Variants in ELP4 observed in about 807,000 individuals in gnomAD.
ELP4 encodes the protein elongator complex protein 4.
ELP4 carries 51 observed loss-of-function variants against 48.9 expected under a neutral mutation model. That is an observed-to-expected ratio of 1.04 (90% CI 0.83 to 1.32). The LOEUF (loss-of-function observed/expected upper bound fraction) is 1.32. ELP4 is among the 40% of genes most tolerant of loss of function. The pLI, the probability that ELP4 is intolerant of heterozygous loss-of-function variation, is 0.00. For synonymous variants in ELP4, 210 were observed against 189.2 expected (o/e 1.11, Z -0.90); for missense variants, 519 against 514.6 (o/e 1.01, Z -0.08).
chr11:31,668,675 C>CATGTGTGTGTGTGTGTGT (rs757792983), intron 9 of ELP4, among the ~76,000 whole-genome samples: 6,714 of 120,780 alleles, frequency 0.056, 799 homozygotes, highest in East Asian at 0.11. Flanking sequence ...CCTTTGGTAC[C>CATGTGTGTGTGTGTGTGT]GTGTGTGTGT....
chr11:31,509,874 G>A lies in ELP4; in HGVS notation c.90G>A (p.Gln30=), dbSNP rs759851571. The change falls in exon 1 of 10, where the codon CAG becomes CAA. Residue 30 remains glutamine (Q), a synonymous_variant. Coordinates refer to ENST00000640961, the MANE Select transcript of ELP4 (RefSeq NM_019040.5). ...TASKSNVTSF[Q]RRGPRASVTN... ...GCAAGAGCAACGTCACCAGTTTCCA[G>A]AGGAGGGGTCCTAGAGCCAGCGTGA... 5.6e-6 allele frequency: 9 copies of A among 1,614,190 alleles called. No homozygotes were observed. The highest frequency in any genetic ancestry group is 6.8e-6 in the Non-Finnish European group (8 of 1,180,040).
chr11:31,749,318 G>C (rs889643019), intron 9 of ELP4, among the ~76,000 whole-genome samples: 17 of 152,212 alleles, frequency 1.1e-4, no homozygotes, highest in Admixed American at 2.0e-4. Flanking sequence ...TAAAAGTGGG[G>C]AAGGAAAGAG....
chr11:31,534,509 A>G (rs1446801894), intron 2 of ELP4, among the ~76,000 whole-genome samples: 1 of 152,152 alleles, frequency 6.6e-6, no homozygotes, highest in Non-Finnish European at 1.5e-5. Flanking sequence ...TATGTAATGT[A>G]TGTATGGTTC....
chr11:31,690,493 C>G (rs953568117), intron 9 of ELP4, among the ~76,000 whole-genome samples: 10 of 151,932 alleles, frequency 6.6e-5, no homozygotes, highest in African/African-American at 2.4e-4. Context: ...TGAGTTTCTT[C>G]TATAGCTTTG....
intron 3 of ELP4, among the ~76,000 whole-genome samples, chr11:31,580,515 T>C (rs1201557062): frequency 6.6e-6 from 1 of 152,164 alleles, no homozygotes; most frequent in Admixed American, 6.5e-5. Context: ...TGTTTATTAC[T>C]GTCATTGCAC....
At chr11:31,674,464 A>C (rs1213334382) in intron 9 of ELP4, among the ~76,000 whole-genome samples, 1 of 152,214 alleles carries the variant, frequency 6.6e-6, no homozygotes, top group African/African-American at 2.4e-5. Context: ...CAGTTGACAC[A>C]TTTTGTTAAA....
chr11:31,539,867 G>A, intron 3 of ELP4, 84 bp downstream of exon 3: 9 of 1,155,322 alleles, frequency 7.8e-6, no homozygotes, highest in Non-Finnish European at 1.0e-5. Flanking sequence ...ATATATGTTT[G>A]TATATATACA....
chr11:31,723,420 GA>G (rs1288720718), intron 9 of ELP4, among the ~76,000 whole-genome samples: 1 of 148,608 alleles, frequency 6.7e-6, no homozygotes, highest in Non-Finnish European at 1.5e-5. Context: ...ATTCAATAAT[GA>G]AATCATTAGG....
At chr11:31,657,833 A>T (rs1321123112) in intron 9 of ELP4, among the ~76,000 whole-genome samples, 1 of 152,166 alleles carries the variant, frequency 6.6e-6, no homozygotes, top group South Asian at 2.1e-4. Flanking sequence ...ACATGTTCAC[A>T]AACTCTGTTA....
chr11:31,592,482 G>GTA (rs1240787868), intron 3 of ELP4, among the ~76,000 whole-genome samples: 98 of 149,894 alleles, frequency 6.5e-4, no homozygotes, highest in Middle Eastern at 3.5e-3. Context: ...GTGTGTGTGT[G>GTA]TATATATATA....
intron 2 of ELP4, among the ~76,000 whole-genome samples, chr11:31,529,898 G>T (rs958262215): frequency 2.0e-5 from 3 of 152,126 alleles, no homozygotes; most frequent in Non-Finnish European, 4.4e-5. Flanking sequence ...ACATCTGCAT[G>T]GAAACCACCT....
intron 9 of ELP4, among the ~76,000 whole-genome samples, chr11:31,684,558 C>T (rs1482757559): frequency 6.6e-6 from 1 of 152,174 alleles, no homozygotes; most frequent in African/African-American, 2.4e-5. Context: ...CCTATGTCAA[C>T]ATTTGTGGTA....
chr11:31,762,671 A>G (rs1164167650), intron 9 of ELP4, among the ~76,000 whole-genome samples: 1 of 151,908 alleles, frequency 6.6e-6, no homozygotes, highest in African/African-American at 2.4e-5. Flanking sequence ...ATGTATGATT[A>G]ATTTTAAATA....
At chr11:31,641,964 T>C (rs1213670073) in intron 7 of ELP4, among the ~76,000 whole-genome samples, 3 of 151,964 alleles carry the variant, frequency 2.0e-5, no homozygotes, top group Admixed American at 2.0e-4. Flanking sequence ...GGGTTTCAAG[T>C]ATCAAAGTAC....
intron 9 of ELP4, among the ~76,000 whole-genome samples, chr11:31,669,002 A>G (rs1329802634): frequency 6.6e-6 from 1 of 151,838 alleles, no homozygotes; most frequent in South Asian, 2.1e-4. Flanking sequence ...TCTTGTCTCA[A>G]ACTTCGACTT....
In ELP4 at chr11:31,765,590, G is replaced by A. The variant is rs192535455; in HGVS notation, c.1144-17803G>A. Among the ~76,000 whole-genome samples the A allele has an allele frequency of 1.4e-3, 215 of 152,102 alleles. 1 individual carries two copies. In the South Asian group the frequency reaches 0.016, roughly 11 times the overall value. On this transcript the variant is annotated intron_variant, in intron 9 of 9. Coordinates refer to ENST00000640961, the MANE Select transcript of ELP4 (RefSeq NM_019040.5). ...AGCATCTTTATCAAAGAGATGAGTT[G>A]TATTTGTAAAAATTTGTAAAATTAC...
intron 9 of ELP4, among the ~76,000 whole-genome samples, chr11:31,756,589 C>T (rs76098575): frequency 9.3e-4 from 141 of 152,250 alleles, no homozygotes; most frequent in African/African-American, 3.3e-3. Context: ...TCCTTTGCAG[C>T]ACCTTCTTAA....
chr11:31,768,406 A>G (rs1483350953), intron 9 of ELP4, among the ~76,000 whole-genome samples: 2 of 152,194 alleles, frequency 1.3e-5, no homozygotes, highest in East Asian at 3.9e-4. Flanking sequence ...CTTTTCATTC[A>G]TTATGAAAAG....
chr11:31,636,920 AT>A (rs1944990665), intron 7 of ELP4, among the ~76,000 whole-genome samples: 1 of 152,000 alleles, frequency 6.6e-6, no homozygotes, highest in South Asian at 2.1e-4. Flanking sequence ...ATCTTAAACA[AT>A]TTTCCCTTTG....
Sources: gnomAD v4.1 joint callset for allele counts (sites outside exome capture counted in the v4.1 genomes callset) on GRCh38, gnomAD v4.1.1 for gene constraint, MANE v1.5 for transcripts, NCBI Gene and HGNC (gene_info 2026-07-23, HGNC 2026-07-21) for gene names.